The following SETD5 variants were observed in gnomAD, a reference collection of about 807,000 sequenced individuals.
The protein encoded by SETD5 is histone-lysine N-methyltransferase SETD5.
SETD5 carries 44 observed loss-of-function variants against 153.3 expected under a neutral mutation model. The ratio of observed to expected loss-of-function variants is 0.29; its 90% confidence interval spans 0.23 to 0.37. The LOEUF is 0.37. Ranked by LOEUF, SETD5 falls within the 10% of genes least tolerant of loss-of-function variation. The pLI, the probability that SETD5 is intolerant of heterozygous loss-of-function variation, is 1.00. For synonymous variants in SETD5, 716 were observed against 645.2 expected, an observed-to-expected ratio of 1.11 and a Z score of -1.66; for missense variants, 1,544 against 1,768.0, an observed-to-expected ratio of 0.87 and a Z score of 2.27.
At chr3:9,461,259 A>C (rs1277357660) in intron 17 of SETD5, among the ~76,000 whole-genome samples, 4 of 152,190 alleles carry the variant, frequency 2.6e-5, no homozygotes, top group Admixed American at 1.3e-4. Context: ...ATGAAAAAAA[A>C]GTTGGTTAAA....
At chr3:9,456,382 G>C (rs1337832192) in intron 17 of SETD5, among the ~76,000 whole-genome samples, 1 of 151,598 alleles carries the variant, frequency 6.6e-6, no homozygotes, top group African/African-American at 2.4e-5. Context: ...GCTGAGGCAG[G>C]AGAATTGCTT....
At position 9,475,467 on chromosome 3, in the gene SETD5, T is replaced by C; in HGVS notation, c.3721-16T>C. ...CTTGTTCGCGTCCTTATTCGTTTCC[T>C]CCCAACTTTGTCTAGCTCCTGCAGT... On this transcript the variant is annotated splice_polypyrimidine_tract_variant and intron_variant, in intron 22 of 22. Coordinates refer to ENST00000402198, the MANE Select transcript of SETD5 (RefSeq NM_001080517.3). 1 of 1,597,898 alleles carries C rather than the reference T, an allele frequency of 6.3e-7. No homozygotes were observed. The highest frequency in any genetic ancestry group is 1.7e-4 in the Middle Eastern group (1 of 5,978).
intron 7 of SETD5, among the ~76,000 whole-genome samples, chr3:9,436,496 G>A (rs2040583998): frequency 6.6e-6 from 1 of 152,040 alleles, no homozygotes; most frequent in African/African-American, 2.4e-5. Flanking sequence ...AAGGGGATTG[G>A]TCTTTGTTTC....
At chr3:9,456,076 C>G (rs533081761) in intron 17 of SETD5, among the ~76,000 whole-genome samples, 14 of 150,928 alleles carry the variant, frequency 9.3e-5, no homozygotes, top group African/African-American at 3.4e-4. Context: ...TTCAAGAATA[C>G]CAAAGAGACA....
At chr3:9,403,472 C>T (rs1192862379) in intron 1 of SETD5, among the ~76,000 whole-genome samples, 1 of 152,142 alleles carries the variant, frequency 6.6e-6, no homozygotes, top group Non-Finnish European at 1.5e-5. Flanking sequence ...TAATTTGTTT[C>T]CCTTTATGAA....
intron 21 of SETD5, 60 bp downstream of exon 21, chr3:9,474,642 A>C: frequency 2.5e-6 from 4 of 1,588,550 alleles, no homozygotes; most frequent in Non-Finnish European, 8.6e-7. Context: ...AGTCCTGTAC[A>C]GTTCATGCCT....
chr3:9,473,675 G>T (rs1276390028), intron 20 of SETD5, 138 bp downstream of exon 20: 3 of 860,228 alleles, frequency 3.5e-6, no homozygotes, highest in Non-Finnish European at 5.3e-6. Context: ...AGTACCATCT[G>T]TCCTGTTCAG....
At chr3:9,473,900 C>G (rs151235310) in intron 20 of SETD5, among the ~76,000 whole-genome samples, 4 of 152,316 alleles carry the variant, frequency 2.6e-5, no homozygotes, top group Non-Finnish European at 5.9e-5. Context: ...ACAGATGTCT[C>G]TCTTCCACAC....
chr3:9,441,082 C>T (rs969986723), intron 8 of SETD5, among the ~76,000 whole-genome samples: 8 of 151,942 alleles, frequency 5.3e-5, no homozygotes, highest in Non-Finnish European at 1.0e-4. Context: ...TGTGATGATA[C>T]ACACCTGTAA....
At chr3:9,449,824 A>T (rs1434648769) in intron 16 of SETD5, among the ~76,000 whole-genome samples, 2 of 152,176 alleles carry the variant, frequency 1.3e-5, no homozygotes, top group Non-Finnish European at 2.9e-5. Context: ...GGAATCACTC[A>T]TTGGTTTGTT....
chr3:9,466,630 TG>T (rs2044616318), intron 18 of SETD5, among the ~76,000 whole-genome samples: 1 of 152,214 alleles, frequency 6.6e-6, no homozygotes, highest in Admixed American at 6.5e-5. Context: ...ACCATTTTAA[TG>T]GCCATACTCT....
intron 3 of SETD5, chr3:9,433,554 G>C (rs532835627): frequency 3.1e-6 from 4 of 1,292,710 alleles, no homozygotes; most frequent in Non-Finnish European, 1.0e-6. Flanking sequence ...GAAACTCCCC[G>C]CTCAGCTGGT....
chr3:9,454,622 C>CAAAAAAAAAAAAAAAAAAAAAAAAAAA (rs67028533), intron 17 of SETD5, among the ~76,000 whole-genome samples: 1 of 57,986 alleles, frequency 1.7e-5, no homozygotes, highest in Non-Finnish European at 3.2e-5. Context: ...AACTCCGTCT[C>CAAAAAAAAAAAAAAAAAAAAAAAAAAA]AAAAAAAAAA....
rs2042913890 is a variant in SETD5, at chr3:9,453,847, A to G, written c.2455A>G (p.Ser819Gly). ...YQSNENSSSS[S>G]ICKDNADLLS... The stretch of plus-strand genomic sequence containing the variant: ...AAGCAATGAGAATAGTAGCTCTTCT[A>G]GTATCTGCAAAGACAATGCAGGTAC... The change falls in exon 17 of 23, where the codon AGT (serine) becomes GGT (glycine). Residue 819 changes from serine to glycine, a missense_variant. Ser to Gly is a moderately conservative substitution (Grantham distance 56). Transcript: ENST00000402198. The G allele has an allele frequency of 6.3e-7, 1 of 1,592,558 alleles. No homozygotes were observed.
chr3:9,454,291 G>A (rs913187775), intron 17 of SETD5, among the ~76,000 whole-genome samples: 3 of 152,114 alleles, frequency 2.0e-5, no homozygotes, highest in Admixed American at 6.6e-5. Context: ...TCAATTGATT[G>A]TTTTCAAAGG....
At chr3:9,440,381 G>A in intron 7 of SETD5, 75 bp from the exon 8 acceptor site, 1 of 773,180 alleles carries the variant, frequency 1.3e-6, no homozygotes. Flanking sequence ...TGGAACCCCA[G>A]CTTGTCCCAC....
chr3:9,411,676 G>A (rs1241606142), intron 1 of SETD5, among the ~76,000 whole-genome samples: 1 of 152,206 alleles, frequency 6.6e-6, no homozygotes, highest in African/African-American at 2.4e-5. Flanking sequence ...AGGAACAGTG[G>A]CTGGTGCAAC....
intron 3 of SETD5, chr3:9,430,805 C>A (rs1473739733): frequency 1.0e-6 from 1 of 984,888 alleles, no homozygotes; most frequent in Admixed American, 6.2e-5. Flanking sequence ...AGGACTAATT[C>A]CAGAAATAAA....
chr3:9,437,967 C>T (rs1285886467), intron 7 of SETD5, among the ~76,000 whole-genome samples: 2 of 150,870 alleles, frequency 1.3e-5, no homozygotes, highest in Non-Finnish European at 2.9e-5. Context: ...CACGCCACTG[C>T]ACTCCAGCCT....
Sources: allele counts gnomAD v4.1 joint callset (sites outside exome capture counted in the v4.1 genomes callset), GRCh38; gene constraint gnomAD v4.1.1; transcripts MANE v1.5; gene names NCBI Gene and HGNC (gene_info 2026-07-23, HGNC 2026-07-21).